Variants in XIRP2 observed in about 807,000 individuals in gnomAD.
XIRP2 encodes the protein xin actin-binding repeat-containing protein 2.
XIRP2 carries 236 observed loss-of-function variants against 277.0 expected under a neutral mutation model. The ratio of observed to expected loss-of-function variants is 0.85; its 90% CI spans 0.77 to 0.95. The LOEUF is 0.95. XIRP2 is among the 40% of genes least tolerant of loss of function. XIRP2 has a pLI of 0.00. For synonymous variants in XIRP2, 1,490 were observed against 1,416.5 expected, an observed-to-expected ratio of 1.05 and a Z score of -1.17; for missense variants, 4,640 against 4,157.5, an observed-to-expected ratio of 1.12 and a Z score of -3.19.
At chr2:167,157,722 AG>A (rs1692241696) in intron 3 of XIRP2, among the ~76,000 whole-genome samples, 1 of 152,170 alleles carries the variant, frequency 6.6e-6, no homozygotes, top group Non-Finnish European at 1.5e-5. Flanking sequence ...GCACTTACAA[AG>A]AAAACAGTGA....
rs549190910 is a variant in XIRP2 at position 166,956,542 on chromosome 2, C to T, written c.408+52652C>T. On this transcript the variant is annotated intron_variant, in intron 2 of 10. Coordinates refer to ENST00000409195, the MANE Select transcript of XIRP2 (RefSeq NM_152381.6). ...ATATTGGTTGTAGATTGCATTCAAACCCAACAGATCCTGAGAAAGATAGTG... is the reference window on the plus strand; with the variant it reads ...ATATTGGTTGTAGATTGCATTCAAATCCAACAGATCCTGAGAAAGATAGTG... Among the ~76,000 whole-genome samples the T allele has an allele frequency of 4.6e-5, 7 of 151,856 alleles. No individual in the cohort carries two copies. In the South Asian group the frequency reaches 1.5e-3, roughly 32 times the overall value.
At chr2:167,094,280 A>G (rs1690234393) in intron 2 of XIRP2, among the ~76,000 whole-genome samples, 1 of 151,996 alleles carries the variant, frequency 6.6e-6, no homozygotes, top group African/African-American at 2.4e-5. Flanking sequence ...CTGTTCACTG[A>G]TGATAGTTTC....
chr2:166,911,438 CTT>C, intron 2 of XIRP2, among the ~76,000 whole-genome samples: 1 of 152,110 alleles, frequency 6.6e-6, no homozygotes, highest in Non-Finnish European at 1.5e-5. Flanking sequence ...CAACCCCTGC[CTT>C]TTTTTGTTTT....
At chr2:166,904,559 AG>A (rs1489952471) in intron 2 of XIRP2, among the ~76,000 whole-genome samples, 2 of 152,288 alleles carry the variant, frequency 1.3e-5, no homozygotes, top group Non-Finnish European at 2.9e-5. Flanking sequence ...GAGGGCATTT[AG>A]CCAAATTTAG....
intron 2 of XIRP2, among the ~76,000 whole-genome samples, chr2:167,001,591 C>T (rs1181625135): frequency 6.6e-6 from 1 of 152,112 alleles, no homozygotes; most frequent in Non-Finnish European, 1.5e-5. Context: ...TACTATCAAT[C>T]AATGAAATTC....
At chr2:167,114,201 G>T (rs924851122) in intron 2 of XIRP2, among the ~76,000 whole-genome samples, 4 of 152,120 alleles carry the variant, frequency 2.6e-5, no homozygotes, top group African/African-American at 9.7e-5. Context: ...AGTTTTCATT[G>T]TTAATATCCT....
intron 3 of XIRP2, among the ~76,000 whole-genome samples, chr2:167,202,386 T>A (rs1693744647): frequency 6.6e-6 from 1 of 152,220 alleles, no homozygotes; most frequent in African/African-American, 2.4e-5. Context: ...ACTGCTCTAG[T>A]ACCAGAAGTA....
chr2:167,023,931 T>C (rs893188312), intron 2 of XIRP2, among the ~76,000 whole-genome samples: 29 of 152,196 alleles, frequency 1.9e-4, no homozygotes, highest in Middle Eastern at 3.4e-3. Context: ...ATTGACTTGG[T>C]GATGCGGGCT....
At chr2:167,242,044 G>T in intron 8 of XIRP2, 134 bp downstream of exon 8, 1 of 1,169,948 alleles carries the variant, frequency 8.5e-7, no homozygotes, top group Non-Finnish European at 1.1e-6. Context: ...ATTCAGTTCT[G>T]TAAGGAGAAT....
chr2:166,901,535 T>A (rs1684387574), intron 1 of XIRP2, among the ~76,000 whole-genome samples: 1 of 152,038 alleles, frequency 6.6e-6, no homozygotes, highest in African/African-American at 2.4e-5. Flanking sequence ...TTTTTCTGCC[T>A]CTCAGCTTTC....
intron 2 of XIRP2, among the ~76,000 whole-genome samples, chr2:167,082,486 G>T (rs985316618): frequency 6.6e-6 from 1 of 151,956 alleles, no homozygotes; most frequent in Non-Finnish European, 1.5e-5. Context: ...GGGTCAAATG[G>T]TATTTCTAGT....
chr2:167,084,919 G>C (rs1293260780), intron 2 of XIRP2, among the ~76,000 whole-genome samples: 4 of 150,664 alleles, frequency 2.7e-5, no homozygotes, highest in African/African-American at 7.3e-5. Flanking sequence ...TTTTTTGAAG[G>C]GTTTTTTTGT....
chr2:167,090,281 C>A (rs1292282200), intron 2 of XIRP2, among the ~76,000 whole-genome samples: 2 of 151,994 alleles, frequency 1.3e-5, no homozygotes, highest in African/African-American at 2.4e-5. Context: ...ACTCCATATA[C>A]CCCACTCACA....
At chr2:166,911,564 A>G (rs997629376) in intron 2 of XIRP2, among the ~76,000 whole-genome samples, 5 of 151,942 alleles carry the variant, frequency 3.3e-5, no homozygotes, top group African/African-American at 9.7e-5. Flanking sequence ...TCTTCATCCA[A>G]TTTTCCAGTC....
Position 167,242,683 on chromosome 2 carries a change from C to T in XIRP2, c.1291C>T (p.His431Tyr), listed in dbSNP as rs1242585926. The T allele has an allele frequency of 1.9e-6, 3 of 1,614,098 alleles. No homozygotes were observed. The highest frequency in any genetic ancestry group is 2.5e-6 in the Non-Finnish European group (3 of 1,179,988). The change falls in exon 9 of 11, where the codon CAC (histidine) becomes TAC (tyrosine). Residue 431 changes from histidine to tyrosine, a missense_variant. His to Tyr is a moderately conservative substitution (Grantham distance 83). Transcript: ENST00000409195. ...KETSTTRYSD[H>Y]SVTSSTLAQI... ...AACATCAACTACAAGATATAGTGATCACAGTGTCACTTCCTCAACTCTGGC... is the reference window on the plus strand; with the variant it reads ...AACATCAACTACAAGATATAGTGATTACAGTGTCACTTCCTCAACTCTGGC...
At chr2:167,115,140 A>G (rs1256782747) in intron 2 of XIRP2, among the ~76,000 whole-genome samples, 1 of 152,162 alleles carries the variant, frequency 6.6e-6, no homozygotes, top group African/African-American at 2.4e-5. Flanking sequence ...TGCCATTCTA[A>G]CTGGTGTGAG....
intron 2 of XIRP2, among the ~76,000 whole-genome samples, chr2:167,087,535 C>T (rs982650648): frequency 2.7e-5 from 4 of 148,584 alleles, no homozygotes; most frequent in African/African-American, 9.8e-5. Context: ...GTGCCCCTCA[C>T]CCTGCCTCGC....
intron 2 of XIRP2, among the ~76,000 whole-genome samples, chr2:167,056,370 G>T (rs1453776318): frequency 6.6e-6 from 1 of 151,998 alleles, no homozygotes; most frequent in African/African-American, 2.4e-5. Context: ...ATTTCTGCAG[G>T]TTATCTTTCT....
At chr2:167,083,746 G>A (rs1689821669) in intron 2 of XIRP2, among the ~76,000 whole-genome samples, 1 of 152,128 alleles carries the variant, frequency 6.6e-6, no homozygotes, top group South Asian at 2.1e-4. Context: ...CTCTCTGTCT[G>A]TTGTTGGTGT....
Sources: gnomAD v4.1 joint callset for allele counts (sites outside exome capture counted in the v4.1 genomes callset) on GRCh38, gnomAD v4.1.1 for gene constraint, MANE v1.5 for transcripts, NCBI Gene and HGNC (gene_info 2026-07-23, HGNC 2026-07-21) for gene names.